The following PAGE2B variants were observed in gnomAD, a reference collection of about 807,000 sequenced individuals.
PAGE2B encodes PAGE family member 2B, also known as putative G antigen family E member 3.
A neutral mutation model predicts 7.6 loss-of-function variants in PAGE2B; 5 were observed. The ratio of observed to expected loss-of-function variants is 0.66; its 90% CI spans 0.34 to 1.38. PAGE2B has a LOEUF of 1.38. Among genes scored for constraint, PAGE2B ranks in the 40% most tolerant of loss-of-function variants. The pLI is 0.04. For missense variants in PAGE2B, 70 were observed against 78.4 expected, an observed-to-expected ratio of 0.89 and a Z score of 0.41; for synonymous variants, 29 against 26.7, an observed-to-expected ratio of 1.09 and a Z score of -0.27.
the PAGE2B span, chrX:55,055,915 A>G: frequency 2.7e-5 from 3 of 112,234 alleles, no homozygotes; most frequent in African/African-American, 9.8e-5. Flanking sequence ...CAAAAAAAAA[A>G]AAAAACTTCA....
chrX:55,030,514 G>C, the PAGE2B span, among the ~76,000 whole-genome samples: 1 of 111,346 alleles, frequency 9.0e-6, no homozygotes, highest in Non-Finnish European at 1.9e-5. Flanking sequence ...ATGGGGAATT[G>C]CAGGAAGAAA....
At chrX:55,069,636 AC>A in the PAGE2B span, among the ~76,000 whole-genome samples, 1 of 110,830 alleles carries the variant, frequency 9.0e-6, no homozygotes, top group African/African-American at 3.3e-5. Context: ...TCCTCTTTGT[AC>A]CTCTGGTAGA....
the PAGE2B span, among the ~76,000 whole-genome samples, chrX:55,046,359 C>T: frequency 9.0e-6 from 1 of 111,437 alleles, no homozygotes; most frequent in African/African-American, 3.3e-5. Flanking sequence ...GGTGATCTGC[C>T]CGCCTCGGCC....
At chrX:55,071,538 C>T (rs909759693), upstream of PAGE2B, among the ~76,000 whole-genome samples, 14 of 111,240 alleles carry the variant, frequency 1.3e-4, no homozygotes, top group African/African-American at 4.6e-4. Flanking sequence ...TGGAGTTGCT[C>T]TTCTCGAGGA....
At chrX:55,033,016 G>A in the PAGE2B span, among the ~76,000 whole-genome samples, 1 of 110,511 alleles carries the variant, frequency 9.0e-6, no homozygotes, top group Admixed American at 9.7e-5. Context: ...CCCTCTTCTG[G>A]GCCCCCACAT....
chrX:55,075,102 C>G lies in PAGE2B; in HGVS notation c.-21C>G, dbSNP rs904057661. 1.7e-5 allele frequency: 2 copies of G among 115,474 alleles called. No individual in the cohort carries two copies. The highest frequency in any genetic ancestry group is 9.3e-5 in the Admixed American group (1 of 10,778). The allele number at this position is 115,474 out of a possible 1,213,427, so 9.5% of individuals were successfully genotyped here. On this transcript the variant is annotated 5_prime_UTR_variant, in exon 1 of 5. Coordinates refer to ENST00000374971, the MANE Select transcript of PAGE2B (RefSeq NM_001015038.3). ...GCCATCTTGATTCTTTGTCACTGAC[C>G]GAGACTCAGCCGGTAGGTCCGCAGA...
chrX:55,049,970 C>G, the PAGE2B span, among the ~76,000 whole-genome samples: 9 of 112,190 alleles, frequency 8.0e-5, no homozygotes, highest in Non-Finnish European at 5.6e-5. Context: ...CCTCTACACA[C>G]TGCTTTGAAT....
At chrX:55,076,407 T>G (rs757004187) in intron 2 of PAGE2B, among the ~76,000 whole-genome samples, 162 bp from the exon 3 acceptor site, 1 of 108,984 alleles carries the variant, frequency 9.2e-6, no homozygotes, top group East Asian at 2.8e-4. Context: ...TGTGTATATA[T>G]GTATGTATAT....
the PAGE2B span, among the ~76,000 whole-genome samples, chrX:55,042,312 C>CA: frequency 0.02 from 2,236 of 110,383 alleles, 42 homozygotes; most frequent in African/African-American, 0.06. Flanking sequence ...ACAACAGTTG[C>CA]AAAAAATAAA....
the PAGE2B span, among the ~76,000 whole-genome samples, chrX:55,058,457 A>G: frequency 2.7e-5 from 3 of 111,246 alleles, no homozygotes; most frequent in Non-Finnish European, 3.8e-5. Flanking sequence ...CATACAAGCA[A>G]TAAGTTGGGT....
At chrX:55,038,224 A>T in the PAGE2B span, among the ~76,000 whole-genome samples, 1 of 110,817 alleles carries the variant, frequency 9.0e-6, no homozygotes, top group East Asian at 2.8e-4. Context: ...TCACATATTC[A>T]TAATATGTAA....
At chrX:55,033,819 A>T in the PAGE2B span, among the ~76,000 whole-genome samples, 1 of 112,278 alleles carries the variant, frequency 8.9e-6, no homozygotes, top group Non-Finnish European at 1.9e-5. Context: ...TCTGCATCTT[A>T]GGTTATTTTC....
upstream of PAGE2B, among the ~76,000 whole-genome samples, chrX:55,071,715 TA>T (rs1936451486): frequency 8.9e-6 from 1 of 112,079 alleles, no homozygotes; most frequent in African/African-American, 3.2e-5. Flanking sequence ...TCTTTTCACA[TA>T]GTCTTATACT....
chrX:55,035,957 T>C, the PAGE2B span, among the ~76,000 whole-genome samples: 1 of 111,676 alleles, frequency 9.0e-6, no homozygotes, highest in Admixed American at 9.5e-5. Context: ...CCATTTGTTT[T>C]TATCCTCTTT....
chrX:55,038,775 T>G, the PAGE2B span, among the ~76,000 whole-genome samples: 1 of 111,806 alleles, frequency 8.9e-6, no homozygotes, highest in Admixed American at 9.6e-5. Flanking sequence ...ATTTTAAAAT[T>G]AGATATTTTA....
rs1936525191 is a variant in PAGE2B, at chrX:55,076,787, A to T, written c.193+110A>T. ...ACAGAAAGCATTAGGAAGGAATCTTAAACATTTCCTACTGCTGCTGTGTGG... is the reference window on the plus strand; with the variant it reads ...ACAGAAAGCATTAGGAAGGAATCTTTAACATTTCCTACTGCTGCTGTGTGG... On this transcript the variant is annotated intron_variant, in intron 3 of 4. Transcript: ENST00000374971. 4 of 623,775 alleles carry T rather than the reference A, an allele frequency of 6.4e-6. No individual in the cohort carries two copies. In the African/African-American group the frequency reaches 9.0e-5, roughly 14 times the overall value. 51.4% of individuals were successfully genotyped at this position (623,775 alleles called of 1,213,427 possible).
chrX:55,050,948 G>A, the PAGE2B span, among the ~76,000 whole-genome samples: 12 of 111,641 alleles, frequency 1.1e-4, no homozygotes, highest in African/African-American at 2.0e-4. Context: ...GGCTGGTACC[G>A]GTTGTTCCTT....
At chrX:55,043,404 CCA>C in the PAGE2B span, among the ~76,000 whole-genome samples, 1 of 110,285 alleles carries the variant, frequency 9.1e-6, no homozygotes, top group African/African-American at 3.3e-5. Flanking sequence ...AATAGACAAT[CCA>C]CAGAGTGGGA....
the PAGE2B span, among the ~76,000 whole-genome samples, chrX:55,048,874 G>A: frequency 1.8e-5 from 2 of 111,709 alleles, no homozygotes; most frequent in Admixed American, 1.9e-4. Context: ...GGGCATCCCT[G>A]TCTTGTGCCA....
Sources: allele counts gnomAD v4.1 joint callset (sites outside exome capture counted in the v4.1 genomes callset), GRCh38; gene constraint gnomAD v4.1.1; transcripts MANE v1.5; gene names NCBI Gene and HGNC (gene_info 2026-07-23, HGNC 2026-07-21).